Variants in MTSS1 observed in about 807,000 individuals in gnomAD.
The protein encoded by MTSS1 is protein MTSS 1.
Under a neutral mutation model 79.0 loss-of-function variants are expected in MTSS1, and 18 were observed. The observed-to-expected ratio is 0.23, with a 90% CI of 0.16 to 0.34. MTSS1 has a LOEUF of 0.34. MTSS1 is among the 10% of genes least tolerant of loss of function. The probability of loss-of-function intolerance (pLI) is 1.00; values close to 1 mark genes in which losing one functional copy is unlikely to be tolerated. For missense variants in MTSS1, 815 were observed against 986.2 expected (o/e 0.83, Z 2.33); for synonymous variants, 341 against 368.6 (o/e 0.93, Z 0.86).
chr8:124,580,582 T>C, intron 6 of MTSS1: 1 of 1,535,470 alleles, frequency 6.5e-7, no homozygotes, highest in South Asian at 1.2e-5. Flanking sequence ...GGGCACACGG[T>C]GAGAAAGTGC....
intron 2 of MTSS1, among the ~76,000 whole-genome samples, chr8:124,701,464 C>A (rs898833968): frequency 6.6e-6 from 1 of 152,148 alleles, no homozygotes; most frequent in African/African-American, 2.4e-5. Flanking sequence ...CATACATGTA[C>A]ACAAAACCAC....
At chr8:124,623,946 C>T (rs927955254) in intron 3 of MTSS1, among the ~76,000 whole-genome samples, 6 of 152,214 alleles carry the variant, frequency 3.9e-5, no homozygotes, top group Non-Finnish European at 5.9e-5. Flanking sequence ...GCGGGGCCCG[C>T]GCTAAGCACC....
intron 3 of MTSS1, among the ~76,000 whole-genome samples, chr8:124,649,737 C>T (rs552276958): frequency 1.3e-5 from 2 of 152,162 alleles, no homozygotes; most frequent in South Asian, 4.2e-4. Context: ...AGACTCAGCA[C>T]GACAACCAAA....
At chr8:124,670,655 C>G (rs911174159) in intron 3 of MTSS1, among the ~76,000 whole-genome samples, 3 of 152,122 alleles carry the variant, frequency 2.0e-5, no homozygotes, top group Admixed American at 6.6e-5. Flanking sequence ...TAGGGCTTAC[C>G]AAGAGCTTTC....
chr8:124,649,414 G>A (rs779497020), intron 3 of MTSS1, among the ~76,000 whole-genome samples: 2 of 152,144 alleles, frequency 1.3e-5, no homozygotes, highest in Admixed American at 6.6e-5. Context: ...CGATGGAGTC[G>A]GGGGCGCTGA....
At chr8:124,632,312 T>C (rs1479869443) in intron 3 of MTSS1, among the ~76,000 whole-genome samples, 1 of 143,806 alleles carries the variant, frequency 7.0e-6, no homozygotes, top group African/African-American at 2.6e-5. Flanking sequence ...AAGGAACAAG[T>C]TTCTCAATCC....
At chr8:124,721,848 C>T (rs1002328261) in intron 1 of MTSS1, among the ~76,000 whole-genome samples, 1 of 152,206 alleles carries the variant, frequency 6.6e-6, no homozygotes, top group African/African-American at 2.4e-5. Flanking sequence ...CATCTCCAAG[C>T]TCCCAGGGAA....
chr8:124,633,054 C>T (rs1214690653), intron 3 of MTSS1, among the ~76,000 whole-genome samples: 1 of 151,836 alleles, frequency 6.6e-6, no homozygotes, highest in African/African-American at 2.4e-5. Flanking sequence ...CTCACATCTA[C>T]AATTCCAGTG....
chr8:124,577,931 CT>C (rs1357808210), intron 6 of MTSS1, among the ~76,000 whole-genome samples: 2 of 152,192 alleles, frequency 1.3e-5, no homozygotes, highest in South Asian at 4.1e-4. Flanking sequence ...TCTGAGAGTG[CT>C]TTCTGCTGGT....
chr8:124,693,952 A>G (rs1177972827), intron 3 of MTSS1, among the ~76,000 whole-genome samples: 1 of 152,196 alleles, frequency 6.6e-6, no homozygotes, highest in East Asian at 1.9e-4. Context: ...TATAGGTGGG[A>G]AAATGGAAGC....
At chr8:124,564,691 T>TCTCACACACACACACACACACACA (rs1554639392) in intron 9 of MTSS1, 1 of 144,306 alleles carries the variant, frequency 6.9e-6, no homozygotes, top group Non-Finnish European at 1.5e-5. Flanking sequence ...TCTCTTTCAC[T>TCTCACACACACACACACACACACA]CACACACACA....
At chr8:124,636,618 T>C (rs1247986504) in intron 3 of MTSS1, among the ~76,000 whole-genome samples, 1 of 102,048 alleles carries the variant, frequency 9.8e-6, no homozygotes, top group Non-Finnish European at 2.0e-5. Flanking sequence ...TCTGTGTCCA[T>C]TTATCTATGA....
At chr8:124,571,967 T>G (rs1014415853) in intron 6 of MTSS1, among the ~76,000 whole-genome samples, 2 of 151,964 alleles carry the variant, frequency 1.3e-5, no homozygotes, top group African/African-American at 4.8e-5. Flanking sequence ...CCATCTAAAA[T>G]AAATAAATAG....
rs1482501780 is a variant in MTSS1 at position 124,679,669 on chromosome 8, G to A, written c.208+19857C>T. Among the ~76,000 whole-genome samples, 3 of 152,100 alleles carry A rather than the reference G, an allele frequency of 2.0e-5. No homozygotes were observed. The East Asian group carries it at 5.8e-4, about 29-fold the overall frequency. ...AACAAACTGCCATATGGTCAAATGTGGATGTGATATGGAAACTCCTGTCAC... is the reference window on the plus strand; with the variant it reads ...AACAAACTGCCATATGGTCAAATGTAGATGTGATATGGAAACTCCTGTCAC... On this transcript the variant is annotated intron_variant, in intron 3 of 13. Transcript: ENST00000518547.
At position 124,586,344 on chromosome 8, in the gene MTSS1, A is replaced by G. The variant is rs553773117; in HGVS notation, c.386-1183T>C. ...CCCCATCTTCCCTGCCTATCTGCACAGTTTTCTATCTGGCTAGGGCCCCTT... is the reference window on the plus strand; with the variant it reads ...CCCCATCTTCCCTGCCTATCTGCACGGTTTTCTATCTGGCTAGGGCCCCTT... On this transcript the variant is annotated intron_variant, in intron 5 of 13. Transcript: ENST00000518547. Among the ~76,000 whole-genome samples the G allele has an allele frequency of 4.9e-4, 75 of 152,258 alleles. 1 individual carries two copies. Among genetic ancestry groups the G allele is most frequent in the Admixed American group, 4.4e-3 (68 of 15,298 alleles).
intron 3 of MTSS1, among the ~76,000 whole-genome samples, chr8:124,663,052 C>A (rs1044975721): frequency 2.0e-5 from 3 of 152,144 alleles, no homozygotes; most frequent in African/African-American, 7.2e-5. Flanking sequence ...CCCCACCCAA[C>A]GCTGAAACCT....
intron 3 of MTSS1, among the ~76,000 whole-genome samples, chr8:124,666,988 G>A (rs533993986): frequency 2.6e-5 from 4 of 152,302 alleles, no homozygotes; most frequent in South Asian, 4.1e-4. Context: ...AAGAAGCAGG[G>A]AAAGGTTCAA....
At chr8:124,685,806 C>T (rs898043221) in intron 3 of MTSS1, among the ~76,000 whole-genome samples, 7 of 152,038 alleles carry the variant, frequency 4.6e-5, no homozygotes, top group Non-Finnish European at 8.8e-5. Flanking sequence ...TTTAAAATGC[C>T]AGAAGAAGAC....
intron 3 of MTSS1, among the ~76,000 whole-genome samples, chr8:124,603,719 T>TG (rs1232964487): frequency 6.6e-6 from 1 of 152,316 alleles, no homozygotes; most frequent in East Asian, 1.9e-4. Flanking sequence ...GATCAGACTC[T>TG]GTTCACACGA....
Sources: allele counts gnomAD v4.1 joint callset (sites outside exome capture counted in the v4.1 genomes callset), GRCh38; gene constraint gnomAD v4.1.1; transcripts MANE v1.5; gene names NCBI Gene and HGNC (gene_info 2026-07-23, HGNC 2026-07-21).